PSD3: variants seen among roughly 807,000 people sequenced by gnomAD.
PSD3 encodes the protein PH and SEC7 domain-containing protein 3.
Under a neutral mutation model 105.5 loss-of-function variants are expected in PSD3, and 49 were observed. That is an observed-to-expected ratio of 0.46 (90% confidence interval 0.37 to 0.59). The LOEUF (loss-of-function observed/expected upper bound fraction) is 0.59, where lower values mean the gene tolerates loss of function less well. Among genes scored for constraint, PSD3 ranks in the 20% least tolerant of loss-of-function variants. PSD3 has a pLI of 0.00. For missense variants in PSD3, 1,561 were observed against 1,263.8 expected (o/e 1.24, Z -3.57); for synonymous variants, 557 against 457.8 (o/e 1.22, Z -2.77).
chr8:18,555,233 C>G (rs1800996705), intron 15 of PSD3, among the ~76,000 whole-genome samples: 3 of 151,938 alleles, frequency 2.0e-5, no homozygotes, highest in African/African-American at 7.3e-5. Flanking sequence ...TAAAGCAATA[C>G]AAGGAAGGGA....
intron 4 of PSD3, among the ~76,000 whole-genome samples, chr8:18,811,444 C>T (rs1811672368): frequency 6.6e-6 from 1 of 152,004 alleles, no homozygotes; most frequent in Non-Finnish European, 1.5e-5. Flanking sequence ...AAAACTTCTA[C>T]CCTGGGTGGG....
intron 8 of PSD3, chr8:18,774,582 G>A (rs1463007786): frequency 1.9e-5 from 7 of 372,112 alleles, no homozygotes; most frequent in Non-Finnish European, 1.0e-5. Flanking sequence ...CGTTGGTACA[G>A]CCTGTTCCTG....
chr8:18,880,875 A>T (rs1818058496), intron 2 of PSD3, among the ~76,000 whole-genome samples: 1 of 152,242 alleles, frequency 6.6e-6, no homozygotes. Flanking sequence ...TTACCTAAAT[A>T]TAAACCACAC....
chr8:18,814,575 A>G (rs1251272772), intron 4 of PSD3, among the ~76,000 whole-genome samples: 1 of 152,222 alleles, frequency 6.6e-6, no homozygotes, highest in African/African-American at 2.4e-5. Flanking sequence ...GTGCAAGTCA[A>G]TGTTAATAAA....
At chr8:18,797,161 CAG>C (rs1437618403) in intron 8 of PSD3, among the ~76,000 whole-genome samples, 1 of 152,108 alleles carries the variant, frequency 6.6e-6, no homozygotes, top group African/African-American at 2.4e-5. Context: ...ATATATTCAA[CAG>C]ACTTGTAACA....
intron 14 of PSD3, among the ~76,000 whole-genome samples, chr8:18,565,154 G>A (rs73211710): frequency 0.098 from 14,972 of 152,114 alleles, 767 homozygotes; most frequent in South Asian, 0.21. Flanking sequence ...GGACCTGAAC[G>A]ACCTGGTGGG....
At chr8:18,675,414 C>T (rs1800013687) in intron 9 of PSD3, among the ~76,000 whole-genome samples, 1 of 152,152 alleles carries the variant, frequency 6.6e-6, no homozygotes, top group African/African-American at 2.4e-5. Flanking sequence ...TGGAATCAAA[C>T]ACACACTTGG....
At chr8:19,028,577 C>A (rs905658262) in intron 1 of PSD3, among the ~76,000 whole-genome samples, 2 of 152,090 alleles carry the variant, frequency 1.3e-5, no homozygotes, top group African/African-American at 4.8e-5. Context: ...ATTCTTTATA[C>A]ATCCTGGATA....
intron 9 of PSD3, among the ~76,000 whole-genome samples, chr8:18,743,666 A>G (rs1026666375): frequency 6.6e-6 from 1 of 151,926 alleles, no homozygotes; most frequent in Non-Finnish European, 1.5e-5. Context: ...ATTTTAAAAT[A>G]TTTAACTTAG....
chr8:18,747,151 T>C (rs892355901), intron 9 of PSD3, among the ~76,000 whole-genome samples: 3 of 152,258 alleles, frequency 2.0e-5, no homozygotes, highest in Admixed American at 2.0e-4. Context: ...TTCTTAATAC[T>C]AACGATTTAA....
chr8:18,576,377 C>T (rs544235515), intron 12 of PSD3, among the ~76,000 whole-genome samples: 3 of 151,844 alleles, frequency 2.0e-5, no homozygotes, highest in South Asian at 2.1e-4. Context: ...ATTAAGCCTC[C>T]CAGGATAAGA....
chr8:18,999,350 A>C (rs1826248233), intron 1 of PSD3, among the ~76,000 whole-genome samples: 2 of 151,836 alleles, frequency 1.3e-5, no homozygotes, highest in African/African-American at 4.8e-5. Context: ...CTGGTGACAG[A>C]TAAAGAAACA....
intron 1 of PSD3, among the ~76,000 whole-genome samples, chr8:19,077,216 A>G (rs1829486630): frequency 6.6e-6 from 1 of 152,202 alleles, no homozygotes; most frequent in Admixed American, 6.5e-5. Context: ...AGAGCAGCCA[A>G]GCTCCTTGCA....
chr8:18,879,229 T>G (rs1226301435), intron 2 of PSD3, among the ~76,000 whole-genome samples: 2 of 152,082 alleles, frequency 1.3e-5, no homozygotes, highest in Admixed American at 6.5e-5. Context: ...ATTCAACAAT[T>G]GTGGGCAAGT....
chr8:18,632,140 G>A (rs1180409979), intron 11 of PSD3, among the ~76,000 whole-genome samples: 6 of 151,964 alleles, frequency 3.9e-5, no homozygotes, highest in Non-Finnish European at 7.4e-5. Flanking sequence ...TCTCAAAGGC[G>A]AGTCATTCCA....
chr8:18,708,306 G>A (rs1359886576), intron 9 of PSD3, among the ~76,000 whole-genome samples: 1 of 152,146 alleles, frequency 6.6e-6, no homozygotes, highest in Non-Finnish European at 1.5e-5. Flanking sequence ...TTGTATGGAA[G>A]GGCCAAATAA....
intron 4 of PSD3, among the ~76,000 whole-genome samples, chr8:18,856,261 T>C (rs1563349873): frequency 6.6e-6 from 1 of 152,222 alleles, no homozygotes; most frequent in Non-Finnish European, 1.5e-5. Context: ...CTCTCTGGGC[T>C]CTGCACTAGA....
At chr8:18,552,534 T>A (rs1203380161) in intron 15 of PSD3, among the ~76,000 whole-genome samples, 1 of 152,198 alleles carries the variant, frequency 6.6e-6, no homozygotes, top group African/African-American at 2.4e-5. Flanking sequence ...CTGTGCTTTG[T>A]TTGGAGCCTT....
chr8:18,826,724 A>G (rs1813215816), intron 4 of PSD3, among the ~76,000 whole-genome samples: 2 of 152,190 alleles, frequency 1.3e-5, no homozygotes, highest in South Asian at 4.1e-4. Context: ...TTTGTTTTTG[A>G]TTTTTAAAAA....
Sources: gnomAD v4.1 joint callset for allele counts (sites outside exome capture counted in the v4.1 genomes callset) on GRCh38, gnomAD v4.1.1 for gene constraint, MANE v1.5 for transcripts, NCBI Gene and HGNC (gene_info 2026-07-23, HGNC 2026-07-21) for gene names.